USP6NL: variants seen among roughly 807,000 people sequenced by gnomAD.
USP6NL encodes the protein USP6 N-terminal like.
In USP6NL, 26 loss-of-function variants were observed where a neutral mutation model predicts 61.9. That is an observed-to-expected ratio of 0.42 (90% CI 0.31 to 0.58). USP6NL has a LOEUF of 0.58. Among genes scored for constraint, USP6NL ranks in the 20% least tolerant of loss-of-function variants. The pLI is 0.16. For synonymous variants in USP6NL, 432 were observed against 390.1 expected, an observed-to-expected ratio of 1.11 and a Z score of -1.27; for missense variants, 1,114 against 1,034.3, an observed-to-expected ratio of 1.08 and a Z score of -1.06.
rs560770972 is a variant in USP6NL at position 11,513,856 on chromosome 10, C to T, written c.196-4181G>A. 5.9e-5 allele frequency among the ~76,000 whole-genome samples: 9 copies of T among 152,282 alleles called. No homozygotes were observed. The South Asian group carries it at 1.7e-3, about 28-fold the overall frequency. On this transcript the variant is annotated intron_variant, in intron 5 of 14. Coordinates refer to ENST00000609104, the MANE Select transcript of USP6NL (RefSeq NM_014688.5). This position sits in a 1 kb window ranked among gnomAD's most constrained non-coding sequence, Gnocchi z 4.7. ...GAATCCAATCATGCATTCGGCATTG[C>T]CTTTGCTGGCAGGTCCCCAAAGTGC...
chr10:11,558,478 G>A (rs1005453728), intron 2 of USP6NL, among the ~76,000 whole-genome samples: 1 of 149,488 alleles, frequency 6.7e-6, no homozygotes, highest in Non-Finnish European at 1.5e-5. Flanking sequence ...ATGCTAATCT[G>A]GACATCTACA....
In USP6NL at chr10:11,532,794, G is replaced by C. The variant is rs1835709639; in HGVS notation, c.5-5227C>G. ...TGTGAAAATTGTAGCCTCTGTTTCA[G>C]CCCGTTTCAGACAGGAAGCAAAATA... On this transcript the variant is annotated intron_variant, in intron 2 of 14. Transcript: ENST00000609104. This position sits in a 1 kb window ranked among gnomAD's most constrained non-coding sequence, Gnocchi z 4.1. 6.6e-6 allele frequency among the ~76,000 whole-genome samples: 1 copy of C among 152,100 alleles called. No homozygotes were observed. The highest frequency in any genetic ancestry group is 1.5e-5 in the Non-Finnish European group (1 of 68,018).
In USP6NL at chr10:11,510,525, T is replaced by A. The variant is rs985301483; in HGVS notation, c.196-850A>T. On this transcript the variant is annotated intron_variant, in intron 5 of 14. Coordinates refer to ENST00000609104, the MANE Select transcript of USP6NL (RefSeq NM_014688.5). This position sits in a 1 kb window ranked among gnomAD's most constrained non-coding sequence, Gnocchi z 4.8. ...GAAGTCTCTTGCGTGCCCACTCAAGTGAAATTCAGGGGCAAGGCTGCGGAA... is the reference window on the plus strand; with the variant it reads ...GAAGTCTCTTGCGTGCCCACTCAAGAGAAATTCAGGGGCAAGGCTGCGGAA... Among the ~76,000 whole-genome samples, 9 of 151,910 alleles carry A rather than the reference T, an allele frequency of 5.9e-5. No homozygotes were observed. Among genetic ancestry groups the A allele is most frequent in the African/African-American group, 2.2e-4 (9 of 41,362 alleles).
intron 2 of USP6NL, among the ~76,000 whole-genome samples, chr10:11,533,694 T>C (rs1835737508): frequency 6.6e-6 from 1 of 152,194 alleles, no homozygotes; most frequent in African/African-American, 2.4e-5. Context: ...AGAAACTTGA[T>C]TTCAGACTTC....
intron 1 of USP6NL, among the ~76,000 whole-genome samples, chr10:11,606,420 A>G (rs1838708266): frequency 6.6e-6 from 1 of 152,238 alleles, no homozygotes; most frequent in African/African-American, 2.4e-5. Flanking sequence ...AATGAGGAAA[A>G]TGAAATGCAG....
chr10:11,526,370 CT>C lies in USP6NL; in HGVS notation c.73-903del, dbSNP rs368976642. ...GGGAGCATCCTGTAGGCAAGGGCTG[CT>C]GCCACTCCTGTCTATGAATCCCCAA... On this transcript the variant is annotated intron_variant, in intron 3 of 14. Transcript: ENST00000609104. Among the ~76,000 whole-genome samples the C allele has an allele frequency of 3.4e-3, 514 of 152,284 alleles. 1 individual carries two copies. The highest frequency in any genetic ancestry group is 0.012 in the African/African-American group (501 of 41,556).
Position 11,562,814 on chromosome 10 carries a change from A to G in USP6NL, c.4+34817T>C. On this transcript the variant is annotated intron_variant, in intron 2 of 14. Transcript: ENST00000609104. This position sits in a 1 kb window ranked among gnomAD's most constrained non-coding sequence, Gnocchi z 4.8. ...TATTCTAGTTTTATTAGGCATTAGT[A>G]AATAAGTTTTAGAAGAATAATAGTA... is the stretch of plus-strand genomic sequence containing the variant. 2 of 980,998 alleles carry G rather than the reference A, an allele frequency of 2.0e-6. No homozygotes were observed. The highest frequency in any genetic ancestry group is 1.1e-4 in the East Asian group (1 of 8,788). 60.8% of individuals were successfully genotyped at this position (980,998 alleles called of 1,614,324 possible).
intron 2 of USP6NL, among the ~76,000 whole-genome samples, chr10:11,545,429 G>A (rs1836237078): frequency 6.6e-6 from 1 of 152,226 alleles, no homozygotes; most frequent in Non-Finnish European, 1.5e-5. Context: ...AAGCAGGGGT[G>A]CTGAGCAGAA....
chr10:11,527,613 CG>C, intron 2 of USP6NL, 46 bp from the exon 3 acceptor site: 1 of 1,514,986 alleles, frequency 6.6e-7, no homozygotes, highest in Non-Finnish European at 9.0e-7. Context: ...TTGAAAGAAT[CG>C]TAAAGTTAAT....
intron 2 of USP6NL, among the ~76,000 whole-genome samples, chr10:11,579,963 C>CG (rs1195295759): frequency 0.045 from 4,570 of 102,190 alleles, 280 homozygotes; most frequent in African/African-American, 0.1. Context: ...TGGAGAGTGG[C>CG]GGGGGGGGGG....
chr10:11,541,929 T>TAGTA (rs2133455197), intron 2 of USP6NL, among the ~76,000 whole-genome samples: 1 of 152,342 alleles, frequency 6.6e-6, no homozygotes, highest in African/African-American at 2.4e-5. Flanking sequence ...TTCTATAACA[T>TAGTA]AGTACGGTGA....
chr10:11,531,613 C>A (rs151103016), intron 2 of USP6NL, among the ~76,000 whole-genome samples: 4 of 151,452 alleles, frequency 2.6e-5, no homozygotes, highest in African/African-American at 9.7e-5. Context: ...CCACCGCACC[C>A]GCTTAGATTA....
intron 2 of USP6NL, among the ~76,000 whole-genome samples, chr10:11,547,805 T>C (rs913788292): frequency 6.6e-6 from 1 of 152,208 alleles, no homozygotes; most frequent in Admixed American, 6.5e-5. Flanking sequence ...CTCCCCAAAG[T>C]GCTAGGATTA....
intron 6 of USP6NL, among the ~76,000 whole-genome samples, chr10:11,508,618 T>C (rs976678016): frequency 6.6e-6 from 1 of 152,206 alleles, no homozygotes; most frequent in Non-Finnish European, 1.5e-5. Flanking sequence ...ATGCCCTCGA[T>C]GAAGCAGTAA....
chr10:11,539,160 C>G (rs1835951906), intron 2 of USP6NL, among the ~76,000 whole-genome samples: 1 of 152,210 alleles, frequency 6.6e-6, no homozygotes, highest in Non-Finnish European at 1.5e-5. Flanking sequence ...CTGGGTGCAG[C>G]CTTCTGTCCC....
chr10:11,582,419 G>A (rs533351969), intron 2 of USP6NL, among the ~76,000 whole-genome samples: 2 of 152,286 alleles, frequency 1.3e-5, no homozygotes, highest in African/African-American at 2.4e-5. Context: ...AGTTTTAAAG[G>A]AGGAAAAATA....
Position 11,585,319 on chromosome 10 carries a change from A to C in USP6NL, c.4+12312T>G, listed in dbSNP as rs1837924949. Among the ~76,000 whole-genome samples, 1 of 152,208 alleles carries C rather than the reference A, an allele frequency of 6.6e-6. No homozygotes were observed. The highest frequency in any genetic ancestry group is 2.1e-4 in the South Asian group (1 of 4,832). ...TTGCAAAATTAAAAAAAAGAATTAC[A>C]GTATGATCCAGCAATTCCACTTCTT... is the stretch of plus-strand genomic sequence containing the variant. On this transcript the variant is annotated intron_variant, in intron 2 of 14. Transcript: ENST00000609104. This position sits in a 1 kb window ranked among gnomAD's most constrained non-coding sequence, Gnocchi z 4.5.
intron 2 of USP6NL, among the ~76,000 whole-genome samples, chr10:11,541,775 A>T (rs1218436777): frequency 6.6e-6 from 1 of 152,180 alleles, no homozygotes; most frequent in Non-Finnish European, 1.5e-5. Flanking sequence ...TAAATCATCT[A>T]CCTACTGTGG....
At chr10:11,579,335 T>C (rs1837661832) in intron 2 of USP6NL, among the ~76,000 whole-genome samples, 1 of 152,226 alleles carries the variant, frequency 6.6e-6, no homozygotes, top group Non-Finnish European at 1.5e-5. Context: ...AAAACATTAA[T>C]GGCTTTCCAT....
Sources: gnomAD v4.1 joint callset for allele counts (sites outside exome capture counted in the v4.1 genomes callset) on GRCh38, gnomAD v4.1.1 for gene constraint, Gnocchi (gnomAD v3.1) non-coding constraint, MANE v1.5 for transcripts, NCBI Gene and HGNC (gene_info 2026-07-23, HGNC 2026-07-21) for gene names.